PTRH2: variants seen among roughly 807,000 people sequenced by gnomAD.
PTRH2 encodes peptidyl-tRNA hydrolase 2, mitochondrial.
Under a neutral mutation model 12.3 loss-of-function variants are expected in PTRH2, and 10 were observed. The observed-to-expected ratio is 0.81, with a 90% CI of 0.50 to 1.38. PTRH2 has a LOEUF of 1.38. Among genes scored for constraint, PTRH2 ranks in the 40% most tolerant of loss-of-function variants. PTRH2 has a pLI of 0.00. For missense variants in PTRH2, 176 were observed against 214.1 expected (o/e 0.82, Z 1.11); for synonymous variants, 73 against 77.4 (o/e 0.94, Z 0.30).
chr17:59,701,982 G>A (rs2033562496), intron 1 of PTRH2, among the ~76,000 whole-genome samples: 1 of 151,988 alleles, frequency 6.6e-6, no homozygotes, highest in African/African-American at 2.4e-5. Flanking sequence ...GGGATTACAG[G>A]TGTGAGCCAC....
In PTRH2 at chr17:59,697,605, G is replaced by C. The variant is rs752694989; in HGVS notation, c.374C>G (p.Thr125Ser). 6 of 1,614,172 alleles carry C rather than the reference G, an allele frequency of 3.7e-6. No homozygotes were observed. The highest frequency in any genetic ancestry group is 8.5e-7 in the Non-Finnish European group (1 of 1,180,038). ...KVVVKAPDEE[T>S]LIALLAHAKM... ...TGCATGGGCCAATAATGCAATCAGG[G>C]TTTCTTCATCAGGAGCTTTGACCAC... is the stretch of plus-strand genomic sequence containing the variant. Residue 125 changes from threonine (T) to serine (S), a missense_variant, in exon 2 of 2, where the codon ACC (threonine) becomes AGC (serine). Thr to Ser is a moderately conservative substitution (Grantham distance 58). Coordinates refer to ENST00000393038, the MANE Select transcript of PTRH2 (RefSeq NM_016077.5).
rs933536913 is a variant in PTRH2, at chr17:59,697,800, C to T, written c.179G>A (p.Gly60Glu). The stretch of plus-strand genomic sequence containing the variant: ...AATCATCTTGTACTCCCCGCTGTCT[C>T]CCAAGATGCTTGCTTCACTTTCAGT... ...TDTESEASIL[G>E]DSGEYKMILV... The change falls in exon 2 of 2, where the codon GGA becomes GAA. Residue 60 changes from glycine (G) to glutamate (E), a missense_variant. Coordinates refer to ENST00000393038, the MANE Select transcript of PTRH2 (RefSeq NM_016077.5). 1.9e-6 allele frequency: 3 copies of T among 1,614,078 alleles called. No homozygotes were observed. Among genetic ancestry groups the T allele is most frequent in the African/African-American group, 2.7e-5 (2 of 74,932 alleles).
intron 1 of PTRH2, among the ~76,000 whole-genome samples, chr17:59,702,360 C>T (rs7359648): frequency 0.82 from 124,890 of 152,212 alleles, 51,502 homozygotes; most frequent in East Asian, 0.94. Context: ...GTACACAACA[C>T]AGATCCCTCG....
At chr17:59,705,438 G>A (rs1279728589) in intron 1 of PTRH2, among the ~76,000 whole-genome samples, 2 of 151,718 alleles carry the variant, frequency 1.3e-5, no homozygotes, top group East Asian at 1.9e-4. Flanking sequence ...TTTTTTTAAA[G>A]AGAAGGGGTC....
intron 1 of PTRH2, chr17:59,700,775 T>TA (rs1024927674): frequency 2.5e-4 from 38 of 152,102 alleles, no homozygotes; most frequent in African/African-American, 8.9e-4. Context: ...AAAGACTTTA[T>TA]AAAGGGATGT....
chr17:59,702,848 A>T (rs978209687), intron 1 of PTRH2, among the ~76,000 whole-genome samples: 1 of 152,218 alleles, frequency 6.6e-6, no homozygotes, highest in African/African-American at 2.4e-5. Context: ...TTTCACCTTC[A>T]GTACAGTATT....
intron 1 of PTRH2, among the ~76,000 whole-genome samples, chr17:59,705,336 T>C (rs1352572910): frequency 6.6e-6 from 1 of 152,224 alleles, no homozygotes; most frequent in Non-Finnish European, 1.5e-5. Context: ...CATTTATTGT[T>C]GCTATGAACA....
intron 1 of PTRH2, chr17:59,698,347 G>A (rs374201711): frequency 3.9e-5 from 10 of 256,662 alleles, no homozygotes; most frequent in African/African-American, 8.9e-5. Flanking sequence ...AGTGCTAATC[G>A]GTGTTTTCAC....
intron 1 of PTRH2, chr17:59,698,914 T>C (rs1287942672): frequency 1.3e-5 from 9 of 716,106 alleles, no homozygotes; most frequent in African/African-American, 3.5e-5. Context: ...TGAAAAATGT[T>C]TGAAGCACTG....
chr17:59,704,438 G>A (rs1259570498), intron 1 of PTRH2, among the ~76,000 whole-genome samples: 1 of 152,158 alleles, frequency 6.6e-6, no homozygotes, highest in Non-Finnish European at 1.5e-5. Flanking sequence ...GAAAGGTCTA[G>A]GATATATCAG....
chr17:59,698,031 G>T (rs1395656141), intron 1 of PTRH2, 53 bp from the exon 2 acceptor site: 2 of 1,531,688 alleles, frequency 1.3e-6, no homozygotes, highest in Admixed American at 1.8e-5. Flanking sequence ...ACTTACAGAG[G>T]TATAGGCTTA....
rs967898490 is a variant in PTRH2, at chr17:59,699,030, CTAGTTGATGGTT to C, written c.1-1064_1-1053del. Reference sequence around the variant, plus strand: ...GGTAGAAGGCATTGGGACATCAACACTAGTTGATGGTTTAGCAAGCATAGTGTTGTTCTTCAG... The same window carrying C: ...GGTAGAAGGCATTGGGACATCAACACTAGCAAGCATAGTGTTGTTCTTCAG... On this transcript the variant is annotated intron_variant, in intron 1 of 1. Transcript: ENST00000393038. 2.0e-5 allele frequency: 12 copies of C among 614,572 alleles called. No individual in the cohort carries two copies. The African/African-American group carries it at 2.0e-4, about 10-fold the overall frequency. The allele number at this position is 614,572 out of a possible 1,614,324, so 38.1% of individuals were successfully genotyped here.
chr17:59,698,316 A>G (rs1345688414), intron 1 of PTRH2: 1 of 305,972 alleles, frequency 3.3e-6, no homozygotes, highest in Non-Finnish European at 6.1e-6. Context: ...AGAAACCAAA[A>G]ATAACCCTTT....
At chr17:59,702,195 G>A (rs1598259612) in intron 1 of PTRH2, among the ~76,000 whole-genome samples, 1 of 152,170 alleles carries the variant, frequency 6.6e-6, no homozygotes, top group African/African-American at 2.4e-5. Context: ...TGAGGATATA[G>A]TGATGAATAT....
Position 59,697,602 on chromosome 17 carries a change from A to C in PTRH2, c.377T>G (p.Leu126Arg), listed in dbSNP as rs1251394742. Reference protein sequence around the residue: ...VVVKAPDEETLIALLAHAKML... With the variant: ...VVVKAPDEETRIALLAHAKML... ...TTTTGCATGGGCCAATAATGCAATCAGGGTTTCTTCATCAGGAGCTTTGAC... is the reference window on the plus strand; with the variant it reads ...TTTTGCATGGGCCAATAATGCAATCCGGGTTTCTTCATCAGGAGCTTTGAC... The change falls in exon 2 of 2, where the codon CTG becomes CGG. Residue 126 changes from leucine to arginine, a missense_variant. Leu to Arg is a moderately radical substitution (Grantham distance 102). Transcript: ENST00000393038. 1.2e-6 allele frequency: 2 copies of C among 1,614,056 alleles called. No individual in the cohort carries two copies. The highest frequency in any genetic ancestry group is 2.7e-5 in the African/African-American group (2 of 74,916).
chr17:59,699,909 GAAAACAC>G (rs1391688728), intron 1 of PTRH2: 1 of 152,430 alleles, frequency 6.6e-6, no homozygotes, highest in African/African-American at 2.4e-5. Flanking sequence ...GATGGAATGT[GAAAACAC>G]AAAACACAAT....
intron 1 of PTRH2, among the ~76,000 whole-genome samples, chr17:59,705,330 T>C (rs1433829475): frequency 1.3e-5 from 2 of 152,236 alleles, no homozygotes; most frequent in Non-Finnish European, 2.9e-5. Context: ...TTACCTCATT[T>C]ATTGTTGCTA....
intron 1 of PTRH2, chr17:59,698,873 T>C (rs1035814173): frequency 4.2e-6 from 3 of 716,672 alleles, no homozygotes; most frequent in Non-Finnish European, 7.8e-6. Flanking sequence ...GTACTCACCA[T>C]TAATTTACAC....
At chr17:59,698,047 GA>G in intron 1 of PTRH2, 69 bp from the exon 2 acceptor site, 1 of 1,456,278 alleles carries the variant, frequency 6.9e-7, no homozygotes, top group Admixed American at 2.1e-5. Flanking sequence ...GCTTATCAGA[GA>G]AACATTTTGA....
Sources: allele counts gnomAD v4.1 joint callset (sites outside exome capture counted in the v4.1 genomes callset), GRCh38; gene constraint gnomAD v4.1.1; transcripts MANE v1.5; gene names NCBI Gene and HGNC (gene_info 2026-07-23, HGNC 2026-07-21).